Variants in SPMIP2 observed in about 807,000 individuals in gnomAD.
SPMIP2 encodes sperm microtubule inner protein 2, also known as protein SPMIP2.
At chr4:158,938,696 A>G in the SPMIP2 span, among the ~76,000 whole-genome samples, 2 of 152,314 alleles carry the variant, frequency 1.3e-5, no homozygotes, top group East Asian at 1.9e-4. Context: ...TGCACTCTAA[A>G]TCAAGCATGT....
the SPMIP2 span, among the ~76,000 whole-genome samples, chr4:158,894,132 G>A: frequency 6.6e-6 from 1 of 151,298 alleles, no homozygotes; most frequent in East Asian, 1.9e-4. Flanking sequence ...CCCCCAGCAT[G>A]GTTCAATGGA....
At chr4:159,000,942 G>C in the SPMIP2 span, among the ~76,000 whole-genome samples, 1 of 152,158 alleles carries the variant, frequency 6.6e-6, no homozygotes, top group Non-Finnish European at 1.5e-5. Context: ...TCAATTTGGG[G>C]CTGTATAAAG....
chr4:159,006,917 A>G, the SPMIP2 span, among the ~76,000 whole-genome samples: 1 of 152,212 alleles, frequency 6.6e-6, no homozygotes, highest in Non-Finnish European at 1.5e-5. Flanking sequence ...AGCTCAAAAG[A>G]GAAGGGTTAG....
chr4:158,999,895 C>G, the SPMIP2 span, among the ~76,000 whole-genome samples: 1 of 152,040 alleles, frequency 6.6e-6, no homozygotes, highest in East Asian at 1.9e-4. Flanking sequence ...TAAGAACCTA[C>G]TTGGTATAAT....
chr4:158,960,290 G>T, the SPMIP2 span: 8 of 1,540,814 alleles, frequency 5.2e-6, no homozygotes, highest in Non-Finnish European at 7.1e-6. Context: ...GCTTACCATG[G>T]GTTTTGATAT....
chr4:158,908,501 A>G, the SPMIP2 span, among the ~76,000 whole-genome samples: 2 of 152,190 alleles, frequency 1.3e-5, no homozygotes, highest in African/African-American at 4.8e-5. Context: ...AAGATTTAGA[A>G]TTTTAGCAAG....
the SPMIP2 span, among the ~76,000 whole-genome samples, chr4:158,910,652 T>C: frequency 2.0e-5 from 3 of 152,348 alleles, no homozygotes; most frequent in African/African-American, 7.2e-5. Flanking sequence ...TCCTCCATAA[T>C]GTGGGTGGGC....
the SPMIP2 span, among the ~76,000 whole-genome samples, chr4:158,999,618 C>A: frequency 6.6e-6 from 1 of 152,166 alleles, no homozygotes. Flanking sequence ...CTTTGTAAAA[C>A]CTTTGCCCTT....
At chr4:159,051,673 A>G in the SPMIP2 span, among the ~76,000 whole-genome samples, 1 of 152,206 alleles carries the variant, frequency 6.6e-6, no homozygotes, top group Non-Finnish European at 1.5e-5. Flanking sequence ...TCATTCTACC[A>G]TTCATTTATT....
At chr4:158,972,455 TTAATTTTCAGA>T in the SPMIP2 span, among the ~76,000 whole-genome samples, 1 of 152,218 alleles carries the variant, frequency 6.6e-6, no homozygotes, top group East Asian at 1.9e-4. Flanking sequence ...ATTGATACAT[TTAATTTTCAGA>T]CAATGCACAG....
the SPMIP2 span, among the ~76,000 whole-genome samples, chr4:158,928,045 C>A: frequency 3.9e-5 from 6 of 152,196 alleles, no homozygotes; most frequent in Non-Finnish European, 8.8e-5. Context: ...CCCTGCTCCA[C>A]GGTGCCCAGT....
the SPMIP2 span, chr4:159,007,680 G>A: frequency 1.4e-6 from 1 of 722,328 alleles, no homozygotes. Context: ...GGACTACTGG[G>A]TCTTGGTGCA....
chr4:159,024,113 C>T, the SPMIP2 span, among the ~76,000 whole-genome samples: 2 of 152,182 alleles, frequency 1.3e-5, no homozygotes, highest in Non-Finnish European at 2.9e-5. Context: ...ATGACCACCT[C>T]TCCTGCAATC....
chr4:158,992,966 A>G, the SPMIP2 span, among the ~76,000 whole-genome samples: 1 of 152,162 alleles, frequency 6.6e-6, no homozygotes, highest in African/African-American at 2.4e-5. Context: ...CTGAGTCAAA[A>G]GCTCTTAGTT....
the SPMIP2 span, among the ~76,000 whole-genome samples, chr4:158,965,264 TA>T: frequency 3.0e-5 from 4 of 135,158 alleles, no homozygotes; most frequent in Admixed American, 7.6e-5. Flanking sequence ...TTTTTTTTTT[TA>T]AAGAAAGACT....
the SPMIP2 span, among the ~76,000 whole-genome samples, chr4:159,061,797 C>T: frequency 2.9e-5 from 4 of 139,720 alleles, no homozygotes; most frequent in African/African-American, 5.4e-5. Context: ...GGCGACAGAG[C>T]GAGACTCAGT....
At chr4:158,915,130 G>C in the SPMIP2 span, 1 of 1,552,988 alleles carries the variant, frequency 6.4e-7, no homozygotes, top group Non-Finnish European at 8.8e-7. Context: ...AAAGCAGCCT[G>C]ACTTTTTCTA....
At chr4:159,017,931 T>C in the SPMIP2 span, among the ~76,000 whole-genome samples, 1 of 152,120 alleles carries the variant, frequency 6.6e-6, no homozygotes, top group African/African-American at 2.4e-5. Context: ...ATCACACAAA[T>C]CTAGGACTAC....
the SPMIP2 span, among the ~76,000 whole-genome samples, chr4:158,977,212 G>A: frequency 6.6e-6 from 1 of 152,162 alleles, no homozygotes. Context: ...ATTCGGCTGT[G>A]AATCTGTCTG....
Sources: allele counts gnomAD v4.1 joint callset (sites outside exome capture counted in the v4.1 genomes callset), GRCh38; gene constraint gnomAD v4.1.1; transcripts MANE v1.5; gene names NCBI Gene and HGNC (gene_info 2026-07-23, HGNC 2026-07-21).